The following MPDU1 variants were observed in gnomAD, a reference collection of about 807,000 sequenced individuals.
The protein encoded by MPDU1 is mannose-P-dolichol utilization defect 1 protein.
Under a neutral mutation model 27.6 loss-of-function variants are expected in MPDU1, and 18 were observed. The observed-to-expected ratio is 0.65, with a 90% CI of 0.45 to 0.97. The LOEUF (loss-of-function observed/expected upper bound fraction) is 0.97, where lower values mean the gene tolerates loss of function less well. Ranked by LOEUF, MPDU1 falls within the 50% of genes least tolerant of loss-of-function variation. The probability of loss-of-function intolerance (pLI) is 0.00; values close to 1 mark genes in which losing one functional copy is unlikely to be tolerated. For missense variants in MPDU1, 279 were observed against 297.4 expected (o/e 0.94, Z 0.46); for synonymous variants, 142 against 131.1 (o/e 1.08, Z -0.57).
In MPDU1 at chr17:7,585,793, T is replaced by G. The variant is rs887797097; in HGVS notation, c.165T>G (p.Leu55=). 6.2e-7 allele frequency: 1 copy of G among 1,613,990 alleles called. No individual in the cohort carries two copies. The highest frequency in any genetic ancestry group is 8.5e-7 in the Non-Finnish European group (1 of 1,179,976). The change falls in exon 2 of 7, where the codon CTT becomes CTG. Residue 55 remains leucine, a synonymous_variant. Transcript: ENST00000250124. The part of the protein sequence containing the change: ...GLGLGIVAGS[L]LVKLPQVFKI... ...GGCTGGGCATTGTGGCTGGCTCACT[T>G]CTAGGTATGTCTCTTATCTTTCTTT...
Position 7,587,285 on chromosome 17 carries a change from C to T in MPDU1, c.618+14C>T, listed in dbSNP as rs11078699. On this transcript the variant is annotated intron_variant, in intron 6 of 6. Coordinates refer to ENST00000250124, the MANE Select transcript of MPDU1 (RefSeq NM_004870.4). ...ACTTCCATTCAGGTGAGTGCAACAT[C>T]TTCCTTCTAGAAGGCACTAAAACCT... 1,068 of 1,613,486 alleles carry T rather than the reference C, an allele frequency of 6.6e-4. 9 individuals are homozygous for T. The African/African-American group carries it at 0.013, about 19-fold the overall frequency.
chr17:7,586,945 C>G lies in MPDU1; in HGVS notation c.435C>G (p.Leu145=). ...ACYGLVLLVL[L]SPLTPLTVVT... The stretch of plus-strand genomic sequence containing the variant: ...ACGGCCTGGTCCTGCTGGTGCTTCT[C>G]TCACCTCTGACGCCCTTGACTGTAG... The change falls in exon 5 of 7, where the codon CTC becomes CTG. Residue 145 remains leucine (L), a synonymous_variant. Coordinates refer to ENST00000250124, the MANE Select transcript of MPDU1 (RefSeq NM_004870.4). The G allele has an allele frequency of 1.2e-6, 2 of 1,613,942 alleles. No homozygotes were observed. Among genetic ancestry groups the G allele is most frequent in the Non-Finnish European group, 1.7e-6 (2 of 1,179,996 alleles).
At chr17:7,584,075 T>G (rs1597861321) in intron 1 of MPDU1, 110 bp downstream of exon 1, 7 of 1,094,782 alleles carry the variant, frequency 6.4e-6, no homozygotes, top group African/African-American at 1.5e-5. Flanking sequence ...CATGCCGAGC[T>G]GGACGGAAGT....
chr17:7,586,437 C>CG, intron 3 of MPDU1: 1 of 518,006 alleles, frequency 1.9e-6, no homozygotes, highest in Admixed American at 3.2e-5. Flanking sequence ...GAAACTCAGT[C>CG]TTAAAAAAAA....
chr17:7,586,403 C>T (rs2071582983), intron 3 of MPDU1: 2 of 517,148 alleles, frequency 3.9e-6, no homozygotes, highest in South Asian at 4.1e-5. Context: ...TGCGCCACTG[C>T]ACTCCAGCCT....
At chr17:7,583,788 G>A (rs573162942), upstream of MPDU1, 3 of 1,473,562 alleles carry the variant, frequency 2.0e-6, no homozygotes, top group Non-Finnish European at 2.8e-6. Context: ...AACGGGAGGC[G>A]GAGTGTCCGC....
rs2071573273 is a variant in MPDU1 at position 7,585,804 on chromosome 17, C to G, written c.169+7C>G. 31 of 1,614,070 alleles carry G rather than the reference C, an allele frequency of 1.9e-5. No individual in the cohort carries two copies. Among genetic ancestry groups the G allele is most frequent in the Admixed American group, 5.0e-5 (3 of 60,018 alleles). On this transcript the variant is annotated splice_region_variant and intron_variant, in intron 2 of 6. Coordinates refer to ENST00000250124, the MANE Select transcript of MPDU1 (RefSeq NM_004870.4). ...GTGGCTGGCTCACTTCTAGGTATGT[C>G]TCTTATCTTTCTTTCCAGCTGTTGG...
chr17:7,585,704 G>A, intron 1 of MPDU1, 28 bp from the exon 2 acceptor site: 1 of 1,612,782 alleles, frequency 6.2e-7, no homozygotes, highest in Non-Finnish European at 8.5e-7. Context: ...GACATCTCCT[G>A]TCTGCTTACC....
intron 2 of MPDU1, 24 bp from the exon 3 acceptor site, chr17:7,585,922 C>G: frequency 6.2e-7 from 1 of 1,614,126 alleles, no homozygotes; most frequent in Non-Finnish European, 8.5e-7. Flanking sequence ...GTCCTCAGTC[C>G]TACTTTTCTC....
intron 5 of MPDU1, 45 bp downstream of exon 5, chr17:7,587,062 G>A (rs202069203): frequency 1.4e-5 from 22 of 1,525,990 alleles, no homozygotes; most frequent in East Asian, 2.3e-5. Context: ...GGGCAGGGTG[G>A]GGGGGAAGAG....
At chr17:7,583,762 T>C (rs757555241), upstream of MPDU1, 2 of 1,281,584 alleles carry the variant, frequency 1.6e-6, no homozygotes, top group Admixed American at 3.4e-5. Context: ...GCGGGCCAGC[T>C]TCGCCGCGGG....
rs114118916 is a variant in MPDU1, at chr17:7,587,941, G to C, written c.*390G>C. 2.1e-6 allele frequency: 1 copy of C among 479,970 alleles called. No individual in the cohort carries two copies. Among genetic ancestry groups the C allele is most frequent in the Middle Eastern group, 6.4e-4 (1 of 1,574 alleles). 29.7% of individuals were successfully genotyped at this position (479,970 alleles called of 1,614,324 possible). A position where few individuals can be genotyped will look rare whatever the true frequency, so the allele number is the denominator to read the frequency against. Reference sequence around the variant, plus strand: ...TGGCCCTGGAAGACTGAGTCTGGACGGCAGAGTGGAGGGACTGGGAGGCTG... The same window carrying C: ...TGGCCCTGGAAGACTGAGTCTGGACCGCAGAGTGGAGGGACTGGGAGGCTG... On this transcript the variant is annotated 3_prime_UTR_variant, in exon 7 of 7. Transcript: ENST00000250124.
chr17:7,586,535 A>T, intron 3 of MPDU1, 157 bp from the exon 4 acceptor site: 3 of 726,414 alleles, frequency 4.1e-6, no homozygotes, highest in Non-Finnish European at 7.4e-6. Flanking sequence ...AGGGGTGAGC[A>T]TCCCGAGAAT....
rs375082454 is a variant in MPDU1, at chr17:7,587,318, C to A, written c.618+47C>A. On this transcript the variant is annotated intron_variant, in intron 6 of 6. Coordinates refer to ENST00000250124, the MANE Select transcript of MPDU1 (RefSeq NM_004870.4). ...TAGAAGGCACTAAAACCTCGTCTTA[C>A]TTCTCCCAGCTAAGGGCCAAAGCTG... 1.9e-6 allele frequency: 3 copies of A among 1,612,610 alleles called. No individual in the cohort carries two copies. The East Asian group carries it at 6.7e-5, about 36-fold the overall frequency.
rs1200416079 is a variant in MPDU1 at position 7,587,991 on chromosome 17, G to A, written c.*440G>A. On this transcript the variant is annotated 3_prime_UTR_variant, in exon 7 of 7. Transcript: ENST00000250124. Reference sequence around the variant, plus strand: ...GTGGCTGCCTCCCTCCCTCAGCCCGGCTGGGACTGTCTCCCGGACCCCAGT... The same window carrying A: ...GTGGCTGCCTCCCTCCCTCAGCCCGACTGGGACTGTCTCCCGGACCCCAGT... 6.2e-6 allele frequency: 3 copies of A among 480,950 alleles called. No individual in the cohort carries two copies. The highest frequency in any genetic ancestry group is 1.2e-5 in the Non-Finnish European group (3 of 245,006). The allele number at this position is 480,950 out of a possible 1,614,324, so 29.8% of individuals were successfully genotyped here.
chr17:7,587,043 ATGT>A lies in MPDU1; in HGVS notation c.507+30_507+32del, dbSNP rs758804871. 3.8e-5 allele frequency: 30 copies of A among 782,776 alleles called. No homozygotes were observed. In the African/African-American group the frequency reaches 7.6e-4, roughly 20 times the overall value. 48.5% of individuals were successfully genotyped at this position (782,776 alleles called of 1,614,324 possible). ...GTGGGTACCAGGAGCAAGGGACAAG[ATGT>A]TGTGGGGGCAGGGTGGGGGGGAAGA... On this transcript the variant is annotated intron_variant, in intron 5 of 6. Transcript: ENST00000250124.
At position 7,583,889 on chromosome 17, in the gene MPDU1, T is replaced by A; in HGVS notation, c.27T>A (p.Leu9=). 6.2e-7 allele frequency: 1 copy of A among 1,614,190 alleles called. No homozygotes were observed. The change falls in exon 1 of 7, where the codon CTT becomes CTA. Residue 9 remains leucine, a synonymous_variant. Coordinates refer to ENST00000250124, the MANE Select transcript of MPDU1 (RefSeq NM_004870.4). ...TGGCGGCCGAGGCGGACGGACCGCT[T>A]AAACGGCTGCTCGTGCCGATTCTTT... The part of the protein sequence containing the change: MAAEADGP[L]KRLLVPILLP...
upstream of MPDU1, chr17:7,583,734 G>C (rs746540348): frequency 2.1e-6 from 2 of 968,624 alleles, no homozygotes; most frequent in Admixed American, 1.7e-5. Flanking sequence ...GGTAGCGTCA[G>C]AAAGAGCGGG....
At chr17:7,586,593 C>T (rs1236873633) in intron 3 of MPDU1, 99 bp from the exon 4 acceptor site, 15 of 1,054,846 alleles carry the variant, frequency 1.4e-5, no homozygotes, top group Middle Eastern at 2.5e-4. Flanking sequence ...TGTAGAGAAG[C>T]GTGATCAGAG....
Sources: gnomAD v4.1 joint callset for allele counts on GRCh38, gnomAD v4.1.1 for gene constraint, MANE v1.5 for transcripts, NCBI Gene and HGNC (gene_info 2026-07-23, HGNC 2026-07-21) for gene names.